MTR: variants seen among roughly 807,000 people sequenced by gnomAD.
The protein encoded by MTR is methionine synthase.
Under a neutral mutation model 154.8 loss-of-function variants are expected in MTR, and 84 were observed. The observed-to-expected ratio is 0.54, with a 90% confidence interval of 0.45 to 0.65. MTR has a LOEUF of 0.65. Ranked by LOEUF, MTR falls within the 30% of genes least tolerant of loss-of-function variation. The pLI is 0.00. For missense variants in MTR, 1,275 were observed against 1,570.2 expected (o/e 0.81, Z 3.18); for synonymous variants, 554 against 553.9 (o/e 1.00, Z 0.00).
At chr1:236,871,106 G>A (rs888465285) in intron 22 of MTR, among the ~76,000 whole-genome samples, 2 of 152,086 alleles carry the variant, frequency 1.3e-5, no homozygotes, top group East Asian at 1.9e-4. Context: ...TTCTCTCTTC[G>A]CTCAGTAAAA....
Position 236,815,653 on chromosome 1 carries a change from G to C in MTR, c.659G>C (p.Arg220Pro). The change falls in exon 7 of 33, where the codon CGG (arginine) becomes CCG (proline). Residue 220 changes from arginine (R) to proline (P), a missense_variant. Arg to Pro is a moderately radical substitution (Grantham distance 103, BLOSUM62 -2). Transcript: ENST00000366577. ...CTTTTTGAGGAGAAATATGCTCCCCGGCCTATCTTTGTAAGTTCTAAAGTG... is the reference window on the plus strand; with the variant it reads ...CTTTTTGAGGAGAAATATGCTCCCCCGCCTATCTTTGTAAGTTCTAAAGTG... ...QNLFEEKYAPRPIFISGTIVD... is the reference protein window; with the variant it reads ...QNLFEEKYAPPPIFISGTIVD... The C allele has an allele frequency of 6.2e-7, 1 of 1,612,926 alleles. No individual in the cohort carries two copies. The highest frequency in any genetic ancestry group is 1.1e-5 in the South Asian group (1 of 91,006).
intron 31 of MTR, 116 bp from the exon 32 acceptor site, chr1:236,896,890 G>C: frequency 1.3e-6 from 1 of 799,350 alleles, no homozygotes; most frequent in Non-Finnish European, 2.3e-6. Context: ...CTACCTAGAA[G>C]GCATGAGCTC....
chr1:236,863,077 G>C (rs1199953210), intron 21 of MTR, among the ~76,000 whole-genome samples: 1 of 152,090 alleles, frequency 6.6e-6, no homozygotes. Context: ...GATTCAGATG[G>C]GACATACACA....
intron 24 of MTR, among the ~76,000 whole-genome samples, chr1:236,876,407 T>C (rs1241252561): frequency 2.6e-5 from 4 of 152,200 alleles, no homozygotes; most frequent in Admixed American, 6.5e-5. Context: ...CACCCATTAA[T>C]AATGGGTTTT....
At chr1:236,804,973 C>T (rs1572183887) in intron 2 of MTR, among the ~76,000 whole-genome samples, 1 of 151,722 alleles carries the variant, frequency 6.6e-6, no homozygotes, top group South Asian at 2.1e-4. Flanking sequence ...TGTAGATATA[C>T]ACAGTTTTTT....
intron 21 of MTR, among the ~76,000 whole-genome samples, 180 bp from the exon 22 acceptor site, chr1:236,863,274 G>A (rs1266635678): frequency 6.6e-6 from 1 of 152,264 alleles, no homozygotes; most frequent in Non-Finnish European, 1.5e-5. Context: ...GAAGCCCCTT[G>A]GGCTAGCCCA....
chr1:236,869,033 CTGGATGG>C (rs1664974180), intron 22 of MTR, among the ~76,000 whole-genome samples: 2 of 152,140 alleles, frequency 1.3e-5, no homozygotes, highest in Non-Finnish European at 2.9e-5. Flanking sequence ...GGACTGCAGA[CTGGATGG>C]AAACACATGC....
Position 236,812,744 on chromosome 1 carries a change from A to T in MTR, c.509A>T (p.Asp170Val). 1 of 1,613,952 alleles carries T rather than the reference A, an allele frequency of 6.2e-7. No homozygotes were observed. The highest frequency in any genetic ancestry group is 8.5e-7 in the Non-Finnish European group (1 of 1,179,868). ...ERPDYRNITFDELVEAYQEQA... is the reference protein window; with the variant it reads ...ERPDYRNITFVELVEAYQEQA... ...TGTGATTTATTTTTTGCAGCATTTG[A>T]TGAGCTTGTTGAAGCATACCAAGAG... The change falls in exon 6 of 33, where the codon GAT becomes GTT. Residue 170 changes from aspartate to valine, a missense_variant. Transcript: ENST00000366577.
intron 22 of MTR, among the ~76,000 whole-genome samples, chr1:236,866,205 T>C (rs970986067): frequency 2.8e-4 from 43 of 152,188 alleles, no homozygotes; most frequent in African/African-American, 1.0e-3. Context: ...ATGGCATTTT[T>C]CCAATAGCAT....
At chr1:236,854,414 T>G (rs943565095) in intron 18 of MTR, among the ~76,000 whole-genome samples, 47 of 152,314 alleles carry the variant, frequency 3.1e-4, no homozygotes, top group African/African-American at 1.1e-3. Context: ...TTAAGAAACA[T>G]TCCATAGATT....
intron 18 of MTR, among the ~76,000 whole-genome samples, chr1:236,856,051 A>G (rs561330775): frequency 6.6e-6 from 1 of 152,160 alleles, no homozygotes; most frequent in South Asian, 2.1e-4. Context: ...AGACATCACA[A>G]CCTCCAACAC....
At chr1:236,802,170 T>C (rs1035206501) in intron 1 of MTR, among the ~76,000 whole-genome samples, 13 of 152,322 alleles carry the variant, frequency 8.5e-5, no homozygotes, top group African/African-American at 3.1e-4. Context: ...AGGAGTCAGA[T>C]AATACTGAGA....
chr1:236,892,823 GT>G (rs1230824045), intron 29 of MTR, among the ~76,000 whole-genome samples: 1 of 152,170 alleles, frequency 6.6e-6, no homozygotes, highest in African/African-American at 2.4e-5. Flanking sequence ...CATCTTTCAA[GT>G]CCTGTGTCCT....
intron 14 of MTR, among the ~76,000 whole-genome samples, chr1:236,837,363 C>T (rs1205405609): frequency 6.6e-6 from 1 of 152,206 alleles, no homozygotes; most frequent in African/African-American, 2.4e-5. Context: ...CCCTGGGAAG[C>T]TTTCCCTGGA....
intron 22 of MTR, 67 bp downstream of exon 22, chr1:236,863,621 A>G: frequency 7.4e-7 from 1 of 1,344,770 alleles, no homozygotes; most frequent in South Asian, 1.2e-5. Context: ...TAACAGAATA[A>G]TTCTTCAATG....
rs1663042244 is a variant in MTR at position 236,838,595 on chromosome 1, GA to G, written c.1512del (p.Gln505ArgfsTer20). Reference sequence around the variant, plus strand: ...GTGGTCATGGCTTTTGATGAAGAAGGACAGGTGAGTGGTTTCTTTTGGCCTA... The same window carrying G: ...GTGGTCATGGCTTTTGATGAAGAAGGCAGGTGAGTGGTTTCTTTTGGCCTA... ...AMVVMAFDEE[G>X]QATETDTKIR... is the part of the protein sequence containing the mutation. On this transcript the variant is annotated frameshift_variant, in exon 15 of 33. Coordinates refer to ENST00000366577, the MANE Select transcript of MTR (RefSeq NM_000254.3). LOFTEE classifies it high-confidence loss of function. 6.2e-7 allele frequency: 1 copy of G among 1,614,054 alleles called. No individual in the cohort carries two copies. Among genetic ancestry groups the G allele is most frequent in the Non-Finnish European group, 8.5e-7 (1 of 1,179,962 alleles).
chr1:236,891,343 A>G lies in MTR; in HGVS notation c.3204+14A>G. 6.2e-7 allele frequency: 1 copy of G among 1,610,974 alleles called. No homozygotes were observed. Among genetic ancestry groups the G allele is most frequent in the Non-Finnish European group, 8.5e-7 (1 of 1,177,444 alleles). On this transcript the variant is annotated intron_variant, in intron 29 of 32. Transcript: ENST00000366577. ...TTAAGGCAACAGGTATGGAAGGTGT[A>G]CTGACAGCCAGCACACCGCTTTCGC...
intron 12 of MTR, 121 bp from the exon 13 acceptor site, chr1:236,831,845 A>G (rs932391956): frequency 1.1e-5 from 8 of 739,382 alleles, no homozygotes; most frequent in Non-Finnish European, 1.7e-5. Context: ...TGGATCTCCT[A>G]TCTGCTCAGA....
intron 18 of MTR, among the ~76,000 whole-genome samples, chr1:236,855,312 G>A (rs1308286831): frequency 6.6e-6 from 1 of 152,102 alleles, no homozygotes; most frequent in Non-Finnish European, 1.5e-5. Context: ...TCACATTTGG[G>A]GAGGAATGGG....
Sources: gnomAD v4.1 joint callset for allele counts (sites outside exome capture counted in the v4.1 genomes callset) on GRCh38, gnomAD v4.1.1 for gene constraint, MANE v1.5 for transcripts, NCBI Gene and HGNC (gene_info 2026-07-23, HGNC 2026-07-21) for gene names.